Variants in ADGRL3 observed in about 807,000 individuals in gnomAD.
ADGRL3 encodes adhesion G protein-coupled receptor L3.
In ADGRL3, 62 loss-of-function variants were observed where a neutral mutation model predicts 153.5. The ratio of observed to expected loss-of-function variants is 0.40; its 90% CI spans 0.33 to 0.50. ADGRL3 has a LOEUF of 0.50. ADGRL3 is among the 20% of genes least tolerant of loss of function. ADGRL3 has a pLI of 0.47. For missense variants in ADGRL3, 1,641 were observed against 1,859.4 expected (o/e 0.88, Z 2.16); for synonymous variants, 710 against 672.5 (o/e 1.06, Z -0.86).
chr4:61,939,627 G>A (rs1318964574), intron 15 of ADGRL3, among the ~76,000 whole-genome samples: 2 of 151,834 alleles, frequency 1.3e-5, no homozygotes, highest in African/African-American at 4.8e-5. Flanking sequence ...GTGCCACCAC[G>A]CCTGGCTAAT....
chr4:61,497,243 C>A lies in ADGRL3; in HGVS notation c.-51C>A. The A allele has an allele frequency of 1.8e-6, 2 of 1,093,456 alleles. No individual in the cohort carries two copies. Among genetic ancestry groups the A allele is most frequent in the South Asian group, 1.4e-5 (1 of 72,982 alleles). The allele number at this position is 1,093,456 out of a possible 1,614,324, so 67.7% of individuals were successfully genotyped here. On this transcript the variant is annotated 5_prime_UTR_variant, in exon 3 of 27. Transcript: ENST00000683033. ...AACTAGAAATATACGTATTTTGTTT[C>A]ACATTTGAACAGTCATTCTTGAGGA...
At chr4:61,399,227 G>A (rs968413495) in intron 2 of ADGRL3, among the ~76,000 whole-genome samples, 1 of 151,600 alleles carries the variant, frequency 6.6e-6, no homozygotes. Flanking sequence ...AGTTAAGGAT[G>A]TATAATATTT....
intron 8 of ADGRL3, among the ~76,000 whole-genome samples, chr4:61,785,966 A>G (rs753425571): frequency 2.6e-5 from 4 of 152,168 alleles, no homozygotes; most frequent in Non-Finnish European, 4.4e-5. Context: ...GTGAGCCAAG[A>G]TCATGCCACT....
chr4:61,208,182 AT>A (rs1738228450), intron 1 of ADGRL3, among the ~76,000 whole-genome samples: 1 of 152,068 alleles, frequency 6.6e-6, no homozygotes, highest in Non-Finnish European at 1.5e-5. Context: ...AGATCAAGAT[AT>A]TTTGATATCT....
chr4:61,784,450 A>G (rs968421600), intron 8 of ADGRL3, among the ~76,000 whole-genome samples: 85 of 152,112 alleles, frequency 5.6e-4, no homozygotes, highest in African/African-American at 1.9e-3. Context: ...TTTTCCAGTC[A>G]CTTCACAAGA....
At chr4:61,976,201 A>T (rs951321520) in intron 17 of ADGRL3, among the ~76,000 whole-genome samples, 3 of 152,190 alleles carry the variant, frequency 2.0e-5, no homozygotes, top group Non-Finnish European at 4.4e-5. Context: ...TGATTGAGTT[A>T]TATAGTGTTC....
At chr4:61,752,814 G>T (rs1437789864) in intron 8 of ADGRL3, among the ~76,000 whole-genome samples, 1 of 152,102 alleles carries the variant, frequency 6.6e-6, no homozygotes, top group Admixed American at 6.5e-5. Context: ...TTCACCTGTA[G>T]TCCTAGCTAC....
chr4:61,606,239 A>C (rs2099031874), intron 5 of ADGRL3, among the ~76,000 whole-genome samples: 1 of 152,200 alleles, frequency 6.6e-6, no homozygotes, highest in African/African-American at 2.4e-5. Flanking sequence ...GAACATTTGA[A>C]GTTAAAGTGT....
chr4:61,636,693 A>G (rs2093437574), intron 5 of ADGRL3, among the ~76,000 whole-genome samples: 1 of 151,692 alleles, frequency 6.6e-6, no homozygotes. Context: ...ATGTAAATAA[A>G]TATAAATAAA....
intron 2 of ADGRL3, among the ~76,000 whole-genome samples, chr4:61,494,326 A>T (rs1024643369): frequency 6.6e-6 from 1 of 152,050 alleles, no homozygotes; most frequent in African/African-American, 2.4e-5. Flanking sequence ...ACATCTCCTG[A>T]TACCAACTTT....
At chr4:61,678,290 A>G (rs1019384819) in intron 6 of ADGRL3, among the ~76,000 whole-genome samples, 2 of 152,042 alleles carry the variant, frequency 1.3e-5, no homozygotes, top group Non-Finnish European at 2.9e-5. Context: ...AATAAGTTAC[A>G]CACCTTGATT....
intron 6 of ADGRL3, among the ~76,000 whole-genome samples, chr4:61,695,526 T>TA (rs2095625984): frequency 6.6e-6 from 1 of 152,172 alleles, no homozygotes; most frequent in Non-Finnish European, 1.5e-5. Flanking sequence ...ATTCCATCTA[T>TA]AGAGTACAGG....
intron 1 of ADGRL3, among the ~76,000 whole-genome samples, chr4:61,348,052 A>G (rs1578373906): frequency 6.6e-6 from 1 of 152,068 alleles, no homozygotes; most frequent in African/African-American, 2.4e-5. Context: ...AAAACCAGAA[A>G]GCACCCTTGG....
chr4:61,480,587 C>T (rs1384379942), intron 2 of ADGRL3, among the ~76,000 whole-genome samples: 1 of 50,504 alleles, frequency 2.0e-5, no homozygotes, highest in African/African-American at 4.9e-5. Flanking sequence ...GGAGTTCGAC[C>T]AGCCTGGACA....
intron 10 of ADGRL3, among the ~76,000 whole-genome samples, chr4:61,895,318 T>C (rs915674524): frequency 1.3e-5 from 2 of 151,888 alleles, no homozygotes; most frequent in Non-Finnish European, 2.9e-5. Flanking sequence ...ATACACAAAT[T>C]AGCCGGGTGT....
intron 8 of ADGRL3, among the ~76,000 whole-genome samples, chr4:61,802,375 A>G (rs1295456766): frequency 6.6e-6 from 1 of 152,116 alleles, no homozygotes; most frequent in Non-Finnish European, 1.5e-5. Context: ...CAGAACTAAA[A>G]AGTTCATGTT....
At chr4:61,519,842 A>G (rs1329110454) in intron 4 of ADGRL3, among the ~76,000 whole-genome samples, 1 of 152,198 alleles carries the variant, frequency 6.6e-6, no homozygotes, top group African/African-American at 2.4e-5. Flanking sequence ...TACTTTAAAA[A>G]TATAAAGCTC....
intron 4 of ADGRL3, among the ~76,000 whole-genome samples, chr4:61,551,413 G>A (rs1253448434): frequency 6.6e-6 from 1 of 152,040 alleles, no homozygotes; most frequent in African/African-American, 2.4e-5. Context: ...GTATTTTTAT[G>A]TTAAAAAAGT....
intron 1 of ADGRL3, among the ~76,000 whole-genome samples, chr4:61,260,675 G>A (rs1402797763): frequency 6.6e-6 from 1 of 152,152 alleles, no homozygotes; most frequent in Non-Finnish European, 1.5e-5. Flanking sequence ...TTAAGAGACT[G>A]GTTTAGGAGC....
Sources: allele counts gnomAD v4.1 joint callset (sites outside exome capture counted in the v4.1 genomes callset), GRCh38; gene constraint gnomAD v4.1.1; transcripts MANE v1.5; gene names NCBI Gene and HGNC (gene_info 2026-07-23, HGNC 2026-07-21).